Variants in C1orf21 observed in about 807,000 individuals in gnomAD.
C1orf21 encodes the protein uncharacterized protein C1orf21.
C1orf21 carries 3 observed loss-of-function variants against 18.7 expected under a neutral mutation model. That is an observed-to-expected ratio of 0.16 (90% CI 0.07 to 0.42). C1orf21 has a LOEUF of 0.42. C1orf21 is among the 10% of genes least tolerant of loss of function. C1orf21 has a pLI of 0.99. For synonymous variants in C1orf21, 41 were observed against 46.4 expected, an observed-to-expected ratio of 0.88 and a Z score of 0.47; for missense variants, 104 against 143.6, an observed-to-expected ratio of 0.72 and a Z score of 1.41.
At chr1:184,599,674 G>A (rs1238650146) in intron 5 of C1orf21, 1 of 152,116 alleles carries the variant, frequency 6.6e-6, no homozygotes, top group Non-Finnish European at 1.5e-5. Context: ...CTTCATCCAG[G>A]AACAGTTGCC....
At chr1:184,597,578 G>A (rs1659534069) in intron 4 of C1orf21, among the ~76,000 whole-genome samples, 1 of 152,058 alleles carries the variant, frequency 6.6e-6, no homozygotes, top group South Asian at 2.1e-4. Flanking sequence ...GTGATAACGT[G>A]TCTTATCCAG....
At chr1:184,577,051 G>T (rs1216681272) in intron 3 of C1orf21, among the ~76,000 whole-genome samples, 1 of 151,922 alleles carries the variant, frequency 6.6e-6, no homozygotes, top group East Asian at 1.9e-4. Flanking sequence ...GGCACACTGT[G>T]GTAAGCTGAA....
At chr1:184,556,827 A>G (rs958618150) in intron 3 of C1orf21, among the ~76,000 whole-genome samples, 1 of 152,142 alleles carries the variant, frequency 6.6e-6, no homozygotes, top group African/African-American at 2.4e-5. Context: ...AGAAGGGAAA[A>G]GATGAATGGA....
At chr1:184,397,429 A>G (rs1656076892) in intron 1 of C1orf21, among the ~76,000 whole-genome samples, 1 of 152,036 alleles carries the variant, frequency 6.6e-6, no homozygotes, top group Non-Finnish European at 1.5e-5. Context: ...TACTAAAAAC[A>G]CAAAAAATTA....
chr1:184,531,211 A>G (rs1211602098), intron 3 of C1orf21, among the ~76,000 whole-genome samples: 1 of 152,152 alleles, frequency 6.6e-6, no homozygotes, highest in African/African-American at 2.4e-5. Flanking sequence ...GATATTTTGT[A>G]TCTGGCTTTG....
intron 1 of C1orf21, among the ~76,000 whole-genome samples, chr1:184,435,894 G>A (rs1442874029): frequency 6.6e-6 from 1 of 152,240 alleles, no homozygotes; most frequent in Non-Finnish European, 1.5e-5. Flanking sequence ...CTAAAATTAA[G>A]CAGAAAGAGG....
At chr1:184,481,962 GAGA>G (rs776732652) in intron 2 of C1orf21, among the ~76,000 whole-genome samples, 4 of 152,186 alleles carry the variant, frequency 2.6e-5, no homozygotes, top group Admixed American at 1.3e-4. Context: ...AATTCGCAAG[GAGA>G]AGAAGTTTTC....
intron 1 of C1orf21, among the ~76,000 whole-genome samples, chr1:184,433,329 T>C (rs1265236786): frequency 6.6e-6 from 1 of 152,170 alleles, no homozygotes; most frequent in Non-Finnish European, 1.5e-5. Context: ...TGGAAGTCTT[T>C]CTTCCCGAAT....
At chr1:184,483,078 A>T (rs1379355615) in intron 2 of C1orf21, among the ~76,000 whole-genome samples, 1 of 152,226 alleles carries the variant, frequency 6.6e-6, no homozygotes, top group Non-Finnish European at 1.5e-5. Context: ...AAAAAGTTTC[A>T]GATCTAAAGT....
chr1:184,529,221 T>C (rs887238336), intron 3 of C1orf21, among the ~76,000 whole-genome samples: 10 of 152,238 alleles, frequency 6.6e-5, no homozygotes, highest in Non-Finnish European at 1.5e-5. Context: ...TTCTTTCTCC[T>C]CTAGTTTTTA....
At chr1:184,571,214 G>C (rs568649692) in intron 3 of C1orf21, among the ~76,000 whole-genome samples, 2 of 148,802 alleles carry the variant, frequency 1.3e-5, no homozygotes, top group African/African-American at 4.9e-5. Context: ...GGAGAATGGC[G>C]TGAACCCGGG....
chr1:184,569,051 A>G lies in C1orf21; in HGVS notation c.190-21688A>G, dbSNP rs1659073033. Among the ~76,000 whole-genome samples, 3 of 152,250 alleles carry G rather than the reference A, an allele frequency of 2.0e-5. No homozygotes were observed. In the South Asian group the frequency reaches 6.2e-4, roughly 31 times the overall value. On this transcript the variant is annotated intron_variant, in intron 3 of 5. Transcript: ENST00000235307. ...AGGAGCCTGTAGTAAGAAGAGACAG[A>G]TATGTAAACAGATAAGCCAAGGCAT...
rs1213407349 is a variant in C1orf21 at position 184,445,756 on chromosome 1, A to G, written c.-124-31630A>G. Among the ~76,000 whole-genome samples, 5 of 152,308 alleles carry G rather than the reference A, an allele frequency of 3.3e-5. No homozygotes were observed. The East Asian group carries it at 9.6e-4, about 29-fold the overall frequency. On this transcript the variant is annotated intron_variant, in intron 1 of 5. Transcript: ENST00000235307. ...ATTAGTTAGCAGAGCCATGTTTCTC[A>G]TAGGTGCATTTTGTAAAATGAAAGT...
chr1:184,399,420 T>C (rs1248978370), intron 1 of C1orf21, among the ~76,000 whole-genome samples: 2 of 147,792 alleles, frequency 1.4e-5, no homozygotes, highest in Non-Finnish European at 1.5e-5. Context: ...TGGAGTGTAA[T>C]GCTGTGATCT....
chr1:184,443,175 A>G (rs1482503114), intron 1 of C1orf21, among the ~76,000 whole-genome samples: 1 of 152,176 alleles, frequency 6.6e-6, no homozygotes, highest in African/African-American at 2.4e-5. Flanking sequence ...TCCTTTAACC[A>G]TATACTTAGC....
intron 2 of C1orf21, among the ~76,000 whole-genome samples, chr1:184,488,436 T>C (rs1657765496): frequency 6.6e-6 from 1 of 152,212 alleles, no homozygotes; most frequent in Admixed American, 6.5e-5. Flanking sequence ...TAAAGCACCA[T>C]GAGAGGGCTA....
chr1:184,551,203 A>C (rs1658807666), intron 3 of C1orf21, among the ~76,000 whole-genome samples: 1 of 152,230 alleles, frequency 6.6e-6, no homozygotes, highest in Admixed American at 6.5e-5. Context: ...AATAAACTCC[A>C]GGCGAATTAT....
chr1:184,605,346 A>G (rs1053605671), intron 5 of C1orf21, among the ~76,000 whole-genome samples: 1 of 152,206 alleles, frequency 6.6e-6, no homozygotes, highest in African/African-American at 2.4e-5. Flanking sequence ...TTAGACTGAC[A>G]GCTCCCTAAG....
chr1:184,473,401 G>A (rs1657523129), intron 1 of C1orf21, among the ~76,000 whole-genome samples: 1 of 152,048 alleles, frequency 6.6e-6, no homozygotes, highest in African/African-American at 2.4e-5. Context: ...TTTCAGGAAG[G>A]TAAACAATAG....
Sources: gnomAD v4.1 joint callset for allele counts (sites outside exome capture counted in the v4.1 genomes callset) on GRCh38, gnomAD v4.1.1 for gene constraint, MANE v1.5 for transcripts, NCBI Gene and HGNC (gene_info 2026-07-23, HGNC 2026-07-21) for gene names.